The following TENM3 variants were observed in gnomAD, a reference collection of about 807,000 sequenced individuals.
TENM3 encodes teneurin-3.
A neutral mutation model predicts 255.1 loss-of-function variants in TENM3; 63 were observed. The observed-to-expected ratio is 0.25, with a 90% CI of 0.20 to 0.30. The LOEUF (loss-of-function observed/expected upper bound fraction) is 0.30, where lower values mean the gene tolerates loss of function less well. Ranked by LOEUF, TENM3 falls within the 10% of genes least tolerant of loss-of-function variation. The pLI is 1.00. For missense variants in TENM3, 2,929 were observed against 3,461.1 expected (o/e 0.85, Z 3.86); for synonymous variants, 1,306 against 1,322.3 (o/e 0.99, Z 0.27).
chr4:182,764,767 G>A (rs1168272102), intron 22 of TENM3, among the ~76,000 whole-genome samples: 2 of 152,186 alleles, frequency 1.3e-5, no homozygotes, highest in African/African-American at 4.8e-5. Flanking sequence ...ACCGCTACGT[G>A]AAGAGCTGGA....
In TENM3 at chr4:182,346,733, C is replaced by T. The variant is rs144353515; in HGVS notation, c.315C>T (p.Leu105=). The T allele has an allele frequency of 7.2e-3, 11,644 of 1,613,516 alleles. 56 individuals carry two copies. Among genetic ancestry groups the T allele is most frequent in the Non-Finnish European group, 8.2e-3 (9,626 of 1,179,710 alleles). ...TGGCATTTTGTGCGGAAATGGGGCT[C>T]CCTCACAGAGGTTACTCTATCAGTG... is the stretch of plus-strand genomic sequence containing the variant. ...RGLAFCAEMG[L]PHRGYSISAG... The change falls in exon 3 of 28, where the codon CTC becomes CTT. Residue 105 remains leucine (L), a synonymous_variant. Transcript: ENST00000511685.
At chr4:182,477,753 A>G (rs967628665) in intron 3 of TENM3, among the ~76,000 whole-genome samples, 1 of 152,086 alleles carries the variant, frequency 6.6e-6, no homozygotes, top group African/African-American at 2.4e-5. Flanking sequence ...AGATACACAG[A>G]TAAACAGCAG....
the TENM3 span, among the ~76,000 whole-genome samples, chr4:182,114,130 G>A: frequency 1.3e-5 from 2 of 152,156 alleles, no homozygotes; most frequent in Non-Finnish European, 2.9e-5. Context: ...CTCTCTGACT[G>A]TCTATATCTA....
chr4:181,585,445 G>A, the TENM3 span, among the ~76,000 whole-genome samples: 3 of 152,132 alleles, frequency 2.0e-5, no homozygotes, highest in Non-Finnish European at 2.9e-5. Context: ...AAAATTCACT[G>A]AACTACTGAG....
intron 3 of TENM3, among the ~76,000 whole-genome samples, chr4:182,422,399 C>A (rs1770904775): frequency 1.3e-5 from 2 of 152,210 alleles, no homozygotes; most frequent in Non-Finnish European, 2.9e-5. Flanking sequence ...GACATTCCTT[C>A]TTCTGTTGTT....
At chr4:181,997,522 A>G in the TENM3 span, among the ~76,000 whole-genome samples, 3 of 152,132 alleles carry the variant, frequency 2.0e-5, no homozygotes, top group African/African-American at 7.2e-5. Context: ...TTAAAGATCT[A>G]TTGCATTTCA....
intron 3 of TENM3, among the ~76,000 whole-genome samples, chr4:182,460,589 G>A (rs1356041826): frequency 6.6e-6 from 1 of 152,142 alleles, no homozygotes; most frequent in Non-Finnish European, 1.5e-5. Flanking sequence ...GTGGTGTTTA[G>A]CTGTCTCTAA....
chr4:181,816,793 T>G, the TENM3 span, among the ~76,000 whole-genome samples: 1 of 152,242 alleles, frequency 6.6e-6, no homozygotes, highest in Non-Finnish European at 1.5e-5. Context: ...TGAATCACTT[T>G]TATGCATCGA....
At chr4:182,123,852 A>G in the TENM3 span, among the ~76,000 whole-genome samples, 7 of 152,168 alleles carry the variant, frequency 4.6e-5, no homozygotes, top group Non-Finnish European at 8.8e-5. Context: ...TAAAACAAGT[A>G]CAACTCTATT....
At chr4:181,576,711 G>A in the TENM3 span, among the ~76,000 whole-genome samples, 4 of 151,606 alleles carry the variant, frequency 2.6e-5, no homozygotes, top group Non-Finnish European at 4.4e-5. Context: ...ACTATTAAGC[G>A]CCTGAGGAAG....
the TENM3 span, among the ~76,000 whole-genome samples, chr4:181,972,775 G>A: frequency 7.6e-3 from 1,164 of 152,312 alleles, 11 homozygotes; most frequent in Non-Finnish European, 0.012. Flanking sequence ...GGGACAACAT[G>A]TGTTGGATTC....
At chr4:182,539,442 T>C (rs1451052296) in intron 3 of TENM3, among the ~76,000 whole-genome samples, 2 of 152,046 alleles carry the variant, frequency 1.3e-5, no homozygotes, top group Non-Finnish European at 2.9e-5. Flanking sequence ...AACAGAGAAC[T>C]CCTCCAAGAA....
the TENM3 span, among the ~76,000 whole-genome samples, chr4:181,812,385 G>C: frequency 2.0e-5 from 3 of 152,048 alleles, no homozygotes; most frequent in Non-Finnish European, 4.4e-5. Context: ...TTTAACTTTA[G>C]AAAAAAATTG....
At chr4:181,699,468 AAAAAGAAAGAAAG>A in the TENM3 span, among the ~76,000 whole-genome samples, 17 of 140,856 alleles carry the variant, frequency 1.2e-4, no homozygotes, top group African/African-American at 4.5e-4. Flanking sequence ...AAAAAAAAAA[AAAAAGAAAGAAAG>A]AAAAAGAAAA....
chr4:182,604,692 A>G (rs539110011), intron 4 of TENM3, among the ~76,000 whole-genome samples: 1 of 152,328 alleles, frequency 6.6e-6, no homozygotes, highest in Non-Finnish European at 1.5e-5. Context: ...GTAGTTACCT[A>G]TTAGATGTTA....
At chr4:182,429,068 C>T (rs956839548) in intron 3 of TENM3, among the ~76,000 whole-genome samples, 4 of 152,130 alleles carry the variant, frequency 2.6e-5, no homozygotes, top group Non-Finnish European at 4.4e-5. Flanking sequence ...CCCACCATTT[C>T]CATTATTTTT....
chr4:182,605,182 CT>C (rs1748288008), intron 4 of TENM3, among the ~76,000 whole-genome samples: 1 of 152,226 alleles, frequency 6.6e-6, no homozygotes, highest in African/African-American at 2.4e-5. Flanking sequence ...TTACTGATAA[CT>C]AATAAACTAC....
chr4:181,880,894 G>A, the TENM3 span, among the ~76,000 whole-genome samples: 1 of 152,082 alleles, frequency 6.6e-6, no homozygotes, highest in Non-Finnish European at 1.5e-5. Flanking sequence ...GCCAGCCCCC[G>A]GGGCTCTAAT....
At chr4:181,730,300 C>T in the TENM3 span, among the ~76,000 whole-genome samples, 1 of 152,128 alleles carries the variant, frequency 6.6e-6, no homozygotes, top group African/African-American at 2.4e-5. Context: ...TGCACAGTCT[C>T]TAGAAGGTGG....
Sources: allele counts gnomAD v4.1 joint callset (sites outside exome capture counted in the v4.1 genomes callset), GRCh38; gene constraint gnomAD v4.1.1; transcripts MANE v1.5; gene names NCBI Gene and HGNC (gene_info 2026-07-23, HGNC 2026-07-21).